UBAP1: variants seen among roughly 807,000 people sequenced by gnomAD.
The protein encoded by UBAP1 is ubiquitin associated protein 1.
Under a neutral mutation model 39.0 loss-of-function variants are expected in UBAP1, and 5 were observed. That is an observed-to-expected ratio of 0.13 (90% CI 0.07 to 0.27). UBAP1 has a LOEUF of 0.27. UBAP1 is among the 10% of genes least tolerant of loss of function. UBAP1 has a pLI of 1.00. For missense variants in UBAP1, 490 were observed against 608.1 expected (o/e 0.81, Z 2.04); for synonymous variants, 211 against 225.1 (o/e 0.94, Z 0.56).
intron 2 of UBAP1, among the ~76,000 whole-genome samples, chr9:34,223,577 C>T (rs1295099941): frequency 6.6e-6 from 1 of 152,100 alleles, no homozygotes; most frequent in South Asian, 2.1e-4. Flanking sequence ...CCTTAGCCTC[C>T]CGAGTAGCTG....
intron 1 of UBAP1, among the ~76,000 whole-genome samples, chr9:34,195,739 AGACATGT>A (rs71506174): frequency 0.2 from 30,160 of 151,198 alleles, 3,554 homozygotes; most frequent in Non-Finnish European, 0.27. Flanking sequence ...CTGGGATTAC[AGACATGT>A]GCCACTATGC....
intron 3 of UBAP1, among the ~76,000 whole-genome samples, chr9:34,239,427 T>G (rs189532517): frequency 2.6e-5 from 4 of 152,316 alleles, no homozygotes; most frequent in Non-Finnish European, 5.9e-5. Context: ...GACCTAGAGC[T>G]CTAGACAGAT....
chr9:34,215,263 A>G (rs370585807), intron 1 of UBAP1, among the ~76,000 whole-genome samples: 1 of 152,150 alleles, frequency 6.6e-6, no homozygotes. Context: ...GTGTGTATAT[A>G]TGTATATATG....
At chr9:34,224,248 C>A (rs967111021) in intron 2 of UBAP1, 9 of 487,210 alleles carry the variant, frequency 1.8e-5, no homozygotes, top group African/African-American at 1.8e-4. Flanking sequence ...TCTTGTGGCC[C>A]AGGGGTAGCG....
intron 1 of UBAP1, among the ~76,000 whole-genome samples, chr9:34,212,985 C>T (rs982153254): frequency 6.6e-6 from 1 of 152,116 alleles, no homozygotes; most frequent in South Asian, 2.1e-4. Context: ...AGCAACATAT[C>T]AAAAAGATAA....
intron 1 of UBAP1, among the ~76,000 whole-genome samples, chr9:34,180,036 A>G (rs1198599023): frequency 6.6e-6 from 1 of 152,218 alleles, no homozygotes; most frequent in African/African-American, 2.4e-5. Context: ...GTTAAGTATT[A>G]CGTATATTCT....
At chr9:34,179,980 A>G (rs772302918) in intron 1 of UBAP1, among the ~76,000 whole-genome samples, 9 of 152,038 alleles carry the variant, frequency 5.9e-5, no homozygotes, top group Non-Finnish European at 2.9e-5. Flanking sequence ...AAAAATTGTT[A>G]CTTTTAGTCA....
intron 1 of UBAP1, among the ~76,000 whole-genome samples, chr9:34,190,676 C>G (rs993598822): frequency 3.4e-5 from 5 of 148,374 alleles, no homozygotes; most frequent in African/African-American, 1.2e-4. Context: ...CTCTGTTGCC[C>G]AGGCTGGAGT....
At chr9:34,240,916 G>C (rs1833921900) in intron 3 of UBAP1, among the ~76,000 whole-genome samples, 1 of 152,180 alleles carries the variant, frequency 6.6e-6, no homozygotes, top group African/African-American at 2.4e-5. Context: ...CATGGGATTT[G>C]TTTAGGACAT....
At chr9:34,244,228 A>C (rs1834113024) in intron 4 of UBAP1, among the ~76,000 whole-genome samples, 1 of 151,882 alleles carries the variant, frequency 6.6e-6, no homozygotes, top group Admixed American at 6.6e-5. Context: ...CCATCCTTCT[A>C]GTGTCTATGT....
intron 2 of UBAP1, chr9:34,223,900 GTTTTTGTT>G (rs1832896391): frequency 7.7e-6 from 2 of 260,668 alleles, no homozygotes. Flanking sequence ...TGTTTTTTTT[GTTTTTGTT>G]TTTTTGTTTT....
At chr9:34,228,132 AAAG>A (rs1372381796) in intron 2 of UBAP1, among the ~76,000 whole-genome samples, 3 of 151,838 alleles carry the variant, frequency 2.0e-5, no homozygotes, top group Non-Finnish European at 2.9e-5. Flanking sequence ...CTGTCTTAAA[AAAG>A]AAGCTGGGTG....
At chr9:34,237,687 C>T (rs1311841948) in intron 3 of UBAP1, among the ~76,000 whole-genome samples, 1 of 152,128 alleles carries the variant, frequency 6.6e-6, no homozygotes, top group African/African-American at 2.4e-5. Context: ...CCCTCCTCAG[C>T]CTCCTGAGTA....
chr9:34,235,644 A>ATT (rs1403394288), intron 3 of UBAP1, among the ~76,000 whole-genome samples: 2 of 151,436 alleles, frequency 1.3e-5, no homozygotes, highest in African/African-American at 4.9e-5. Context: ...CGGTCAAAAA[A>ATT]TTGTTTTTTA....
rs893185912 is a variant in UBAP1 at position 34,213,106 on chromosome 9, A to T, written c.-7-7802A>T. Among the ~76,000 whole-genome samples the T allele has an allele frequency of 4.6e-5, 7 of 152,296 alleles. No homozygotes were observed. In the East Asian group the frequency reaches 1.4e-3, roughly 29 times the overall value. On this transcript the variant is annotated intron_variant, in intron 1 of 6. Transcript: ENST00000297661. Reference sequence around the variant, plus strand: ...CAGAATTAAAAACAAAAGTCACATGATCATCTCAATAGATGCAGAAAAAGC... The same window carrying T: ...CAGAATTAAAAACAAAAGTCACATGTTCATCTCAATAGATGCAGAAAAAGC...
Position 34,251,311 on chromosome 9 carries a change from C to T in UBAP1, c.1369-81C>T, listed in dbSNP as rs375608770. 2.3e-5 allele frequency: 33 copies of T among 1,464,514 alleles called. 2 individuals are homozygous for T. Among genetic ancestry groups the T allele is most frequent in the South Asian group, 2.0e-4 (16 of 81,658 alleles). 90.7% of individuals were successfully genotyped at this position (1,464,514 alleles called of 1,614,324 possible). On this transcript the variant is annotated intron_variant, in intron 6 of 6. Coordinates refer to ENST00000297661, the MANE Select transcript of UBAP1 (RefSeq NM_016525.5). ...AGACATTCTGCTCTCCCCCAGTCCC[C>T]GTCCCACACACACACTCCTTCACTC...
chr9:34,195,927 G>GTTT lies in UBAP1; in HGVS notation c.-8+16722_-8+16724dup, dbSNP rs57040252. 6.6e-3 allele frequency among the ~76,000 whole-genome samples: 238 copies of GTTT among 36,152 alleles called. 58 individuals are homozygous for GTTT. The highest frequency in any genetic ancestry group is 0.014 in the East Asian group (14 of 982). The allele number at this position is 36,152 out of a possible 152,430, so 23.7% of individuals were successfully genotyped here. A position where few individuals can be genotyped will look rare whatever the true frequency, so the allele number is the denominator to read the frequency against. ...TTTGGATTTCTATACAAATTTTTTGGTTTTTTTTTTTTTTTTTTTTTTTTT... is the reference window on the plus strand; with the variant it reads ...TTTGGATTTCTATACAAATTTTTTGGTTTTTTTTTTTTTTTTTTTTTTTTTTTT... On this transcript the variant is annotated intron_variant, in intron 1 of 6. Transcript: ENST00000297661.
chr9:34,251,665 C>T lies in UBAP1; in HGVS notation c.*133C>T. On this transcript the variant is annotated 3_prime_UTR_variant, in exon 7 of 7. Coordinates refer to ENST00000297661, the MANE Select transcript of UBAP1 (RefSeq NM_016525.5). ...GTTAGAAGGTCAGGTGTGGAGACTG[C>T]TCGCCAGTCTCTGTGAGCCTAGGCC... is the stretch of plus-strand genomic sequence containing the variant. 2 of 990,448 alleles carry T rather than the reference C, an allele frequency of 2.0e-6. No individual in the cohort carries two copies. 61.4% of individuals were successfully genotyped at this position (990,448 alleles called of 1,614,324 possible). A position where few individuals can be genotyped will look rare whatever the true frequency, so the allele number is the denominator to read the frequency against.
chr9:34,202,252 C>A (rs1294061112), intron 1 of UBAP1, among the ~76,000 whole-genome samples: 1 of 152,158 alleles, frequency 6.6e-6, no homozygotes, highest in Non-Finnish European at 1.5e-5. Context: ...GCAACCTCCA[C>A]CTCCGAGTAG....
Sources: gnomAD v4.1 joint callset for allele counts (sites outside exome capture counted in the v4.1 genomes callset) on GRCh38, gnomAD v4.1.1 for gene constraint, MANE v1.5 for transcripts, NCBI Gene and HGNC (gene_info 2026-07-23, HGNC 2026-07-21) for gene names.